ANKRD55: variants seen among roughly 807,000 people sequenced by gnomAD.
ANKRD55 encodes the protein ankyrin repeat domain-containing protein 55.
Under a neutral mutation model 60.6 loss-of-function variants are expected in ANKRD55, and 41 were observed. That is an observed-to-expected ratio of 0.68 (90% CI 0.53 to 0.88). ANKRD55 has a LOEUF of 0.88. ANKRD55 is among the 40% of genes least tolerant of loss of function. The pLI, the probability that ANKRD55 is intolerant of heterozygous loss-of-function variation, is 0.00. For missense variants in ANKRD55, 732 were observed against 767.6 expected (o/e 0.95, Z 0.55); for synonymous variants, 264 against 290.3 (o/e 0.91, Z 0.92).
chr5:56,232,785 T>TA, intron 2 of ANKRD55, 71 bp downstream of exon 2: 1 of 1,478,142 alleles, frequency 6.8e-7, no homozygotes, highest in Non-Finnish European at 9.5e-7. Context: ...TTTCTCTCCT[T>TA]ACAACTGTAA....
chr5:56,170,504 A>G (rs1173301160), intron 5 of ANKRD55, among the ~76,000 whole-genome samples, 190 bp downstream of exon 5: 1 of 152,134 alleles, frequency 6.6e-6, no homozygotes, highest in Non-Finnish European at 1.5e-5. Context: ...AACTTTTATC[A>G]AAGTAGGAGG....
At chr5:56,177,236 G>T (rs969488344) in intron 3 of ANKRD55, among the ~76,000 whole-genome samples, 3 of 151,906 alleles carry the variant, frequency 2.0e-5, no homozygotes, top group Non-Finnish European at 4.4e-5. Flanking sequence ...AGTTGCAGTC[G>T]GCAACTCAAT....
intron 7 of ANKRD55, among the ~76,000 whole-genome samples, chr5:56,141,136 T>TG (rs1554039021): frequency 1.3e-5 from 2 of 148,914 alleles, no homozygotes; most frequent in Non-Finnish European, 3.0e-5. Flanking sequence ...CACAGTTTTT[T>TG]TTTTTTTTTT....
intron 7 of ANKRD55, among the ~76,000 whole-genome samples, chr5:56,131,140 G>A (rs958506074): frequency 4.0e-5 from 6 of 149,492 alleles, no homozygotes; most frequent in African/African-American, 1.5e-4. Flanking sequence ...CACCAAGCAC[G>A]ATAAATGCCA....
intron 9 of ANKRD55, among the ~76,000 whole-genome samples, chr5:56,115,995 C>T (rs1004936135): frequency 6.6e-6 from 1 of 151,934 alleles, no homozygotes; most frequent in African/African-American, 2.4e-5. Flanking sequence ...GCTGAGATTA[C>T]AGGCACCCAC....
intron 2 of ANKRD55, among the ~76,000 whole-genome samples, chr5:56,204,426 C>G (rs1368638092): frequency 6.6e-6 from 1 of 152,170 alleles, no homozygotes; most frequent in Admixed American, 6.5e-5. Flanking sequence ...ATGGTATCGC[C>G]TAGGTTTTCT....
intron 6 of ANKRD55, among the ~76,000 whole-genome samples, chr5:56,153,114 C>T (rs542261843): frequency 2.0e-5 from 3 of 151,798 alleles, no homozygotes; most frequent in South Asian, 2.1e-4. Context: ...ATGGATCAAT[C>T]GACAAAGAAT....
At chr5:56,179,391 T>C (rs902998859) in intron 3 of ANKRD55, among the ~76,000 whole-genome samples, 13 of 152,080 alleles carry the variant, frequency 8.5e-5, no homozygotes, top group Admixed American at 3.3e-4. Context: ...TACACCAGCT[T>C]CAGAATAGCG....
Position 56,127,019 on chromosome 5 carries a change from A to G in ANKRD55, c.700T>C (p.Cys234Arg), listed in dbSNP as rs1422903504. 1.2e-6 allele frequency: 2 copies of G among 1,613,832 alleles called. No homozygotes were observed. Among genetic ancestry groups the G allele is most frequent in the South Asian group, 2.2e-5 (2 of 91,050 alleles). ...INYDDESGKT[C>R]VHIAAAAGFS... ...CCCGCTGCCGCTGCGATATGTACAC[A>G]TGTCTTCCCACTCTCATCATCATAG... Residue 234 changes from cysteine to arginine, a missense_variant, in exon 8 of 12, where the codon TGT (cysteine) becomes CGT (arginine). By Grantham distance (180) the Cys-to-Arg change is radical. Transcript: ENST00000341048.
chr5:56,154,130 G>C (rs1758130456), intron 6 of ANKRD55, among the ~76,000 whole-genome samples: 1 of 150,234 alleles, frequency 6.7e-6, no homozygotes, highest in Non-Finnish European at 1.5e-5. Flanking sequence ...GAACCCAGGA[G>C]GTGGAGCTTG....
At chr5:56,183,141 G>A (rs1323554259) in intron 3 of ANKRD55, among the ~76,000 whole-genome samples, 1 of 152,142 alleles carries the variant, frequency 6.6e-6, no homozygotes, top group Non-Finnish European at 1.5e-5. Flanking sequence ...ATAACGTCCA[G>A]GGTTTTTAGT....
intron 2 of ANKRD55, among the ~76,000 whole-genome samples, chr5:56,226,000 C>T (rs1420806246): frequency 6.6e-6 from 1 of 152,050 alleles, no homozygotes; most frequent in Non-Finnish European, 1.5e-5. Context: ...TCATATGAAA[C>T]CAAAAAAGAG....
intron 2 of ANKRD55, among the ~76,000 whole-genome samples, chr5:56,202,242 C>G (rs1759397809): frequency 6.6e-6 from 1 of 152,044 alleles, no homozygotes; most frequent in Non-Finnish European, 1.5e-5. Flanking sequence ...AGCAAACAAC[C>G]ATGGCACACA....
chr5:56,173,449 C>T (rs753646648), intron 4 of ANKRD55, among the ~76,000 whole-genome samples: 2 of 151,602 alleles, frequency 1.3e-5, no homozygotes, highest in Non-Finnish European at 2.9e-5. Flanking sequence ...CCACCTGCCT[C>T]GGCCTCCCAA....
chr5:56,165,786 G>A (rs1170862666), intron 5 of ANKRD55, among the ~76,000 whole-genome samples: 5 of 151,984 alleles, frequency 3.3e-5, no homozygotes, highest in Non-Finnish European at 5.9e-5. Context: ...AAAATTTTCC[G>A]GGCATGGTGG....
At chr5:56,115,715 T>C (rs1390541801) in intron 9 of ANKRD55, among the ~76,000 whole-genome samples, 5 of 152,178 alleles carry the variant, frequency 3.3e-5, no homozygotes, top group Admixed American at 6.5e-5. Flanking sequence ...ATATTTTTGT[T>C]TTGGGAAATA....
chr5:56,150,250 T>C (rs1758006065), intron 6 of ANKRD55, among the ~76,000 whole-genome samples: 1 of 152,158 alleles, frequency 6.6e-6, no homozygotes, highest in Non-Finnish European at 1.5e-5. Context: ...CTATAAATTA[T>C]AGGTACAGTG....
chr5:56,149,060 T>C (rs773633994), intron 6 of ANKRD55, among the ~76,000 whole-genome samples: 19 of 152,198 alleles, frequency 1.2e-4, no homozygotes, highest in Non-Finnish European at 2.4e-4. Context: ...TAATATGTAC[T>C]TTAAAAGTAG....
At chr5:56,212,049 GACACACACACAC>G (rs200349739) in intron 2 of ANKRD55, among the ~76,000 whole-genome samples, 6 of 130,140 alleles carry the variant, frequency 4.6e-5, no homozygotes, top group Non-Finnish European at 8.0e-5. Context: ...AACTGGTAAA[GACACACACACAC>G]ACACACACAC....
Sources: gnomAD v4.1 joint callset for allele counts (sites outside exome capture counted in the v4.1 genomes callset) on GRCh38, gnomAD v4.1.1 for gene constraint, MANE v1.5 for transcripts, NCBI Gene and HGNC (gene_info 2026-07-23, HGNC 2026-07-21) for gene names.